Variants in SARS1 observed in about 807,000 individuals in gnomAD.
The protein encoded by SARS1 is seryl-tRNA synthetase 1, also known as serine--tRNA ligase, cytoplasmic.
Under a neutral mutation model 63.7 loss-of-function variants are expected in SARS1, and 25 were observed. The ratio of observed to expected loss-of-function variants is 0.39; its 90% CI spans 0.29 to 0.55. The LOEUF (loss-of-function observed/expected upper bound fraction) is 0.55, where lower values mean the gene tolerates loss of function less well. Among genes scored for constraint, SARS1 ranks in the 20% least tolerant of loss-of-function variants. SARS1 has a pLI of 0.62. For synonymous variants in SARS1, 231 were observed against 243.5 expected (o/e 0.95, Z 0.48); for missense variants, 417 against 649.7 (o/e 0.64, Z 3.89).
chr1:109,224,372 A>G (rs1570756937), intron 2 of SARS1, among the ~76,000 whole-genome samples: 1 of 152,324 alleles, frequency 6.6e-6, no homozygotes, highest in East Asian at 1.9e-4. Flanking sequence ...TTGTCGTCTC[A>G]GCGTAGTTAT....
chr1:109,231,129 C>A, intron 5 of SARS1, 108 bp downstream of exon 5: 1 of 656,124 alleles, frequency 1.5e-6, no homozygotes. Flanking sequence ...TAAAGAGGCC[C>A]ACAGATCTAC....
Position 109,214,414 on chromosome 1 carries a change from C to G in SARS1, c.136+286C>G. ...TCGGGAGCTGTCAAGCCTTCCTGCC[C>G]CAGGGGTTGCCAGAACATGCCGGGG... is the stretch of plus-strand genomic sequence containing the variant. On this transcript the variant is annotated intron_variant, in intron 1 of 10. Transcript: ENST00000234677. The surrounding 1 kb of genome is among the most constrained non-coding windows in gnomAD (Gnocchi z 4.6). 1 of 700,490 alleles carries G rather than the reference C, an allele frequency of 1.4e-6. No homozygotes were observed. Among genetic ancestry groups the G allele is most frequent in the Non-Finnish European group, 2.0e-6 (1 of 509,492 alleles). 43.4% of individuals were successfully genotyped at this position (700,490 alleles called of 1,614,324 possible).
chr1:109,215,536 C>T lies in SARS1; in HGVS notation c.136+1408C>T, dbSNP rs987306672. On this transcript the variant is annotated intron_variant, in intron 1 of 10. Transcript: ENST00000234677. ...CACATTTATACATAAAATCCCAGTA[C>T]CTAGCACTGTACCTGGTCCTTGGTA... 12 of 985,138 alleles carry T rather than the reference C, an allele frequency of 1.2e-5. No individual in the cohort carries two copies. In the African/African-American group the frequency reaches 1.6e-4, roughly 13 times the overall value. The allele number at this position is 985,138 out of a possible 1,614,324, so 61.0% of individuals were successfully genotyped here.
At chr1:109,220,313 T>A (rs1353110667) in intron 1 of SARS1, among the ~76,000 whole-genome samples, 1 of 152,242 alleles carries the variant, frequency 6.6e-6, no homozygotes, top group Non-Finnish European at 1.5e-5. Context: ...CCAAAGTGGT[T>A]GTAATGATTG....
chr1:109,234,007 C>G (rs1042920259), intron 6 of SARS1, among the ~76,000 whole-genome samples: 1 of 150,666 alleles, frequency 6.6e-6, no homozygotes, highest in Non-Finnish European at 1.5e-5. Context: ...GTAGCTGGGA[C>G]TACAGGCATC....
chr1:109,217,008 T>TTCTA, intron 1 of SARS1: 1 of 985,438 alleles, frequency 1.0e-6, no homozygotes, highest in Non-Finnish European at 1.2e-6. Context: ...TGGAATAGCT[T>TTCTA]TCTATCTGCT....
intron 1 of SARS1, among the ~76,000 whole-genome samples, chr1:109,222,368 C>T (rs1654967633): frequency 6.6e-6 from 1 of 151,828 alleles, no homozygotes; most frequent in Non-Finnish European, 1.5e-5. Context: ...CAGATTTTGC[C>T]AGTTTTGCAC....
chr1:109,228,503 G>T, intron 3 of SARS1, 71 bp downstream of exon 3: 1 of 1,034,800 alleles, frequency 9.7e-7, no homozygotes, highest in Admixed American at 1.8e-5. Flanking sequence ...GACAGCAAGT[G>T]CTCTCACTCT....
chr1:109,231,773 A>G lies in SARS1; in HGVS notation c.734A>G (p.Glu245Gly), dbSNP rs764533243. The G allele has an allele frequency of 6.4e-7, 1 of 1,552,700 alleles. No individual in the cohort carries two copies. The highest frequency in any genetic ancestry group is 8.7e-7 in the Non-Finnish European group (1 of 1,153,888). Residue 245 changes from glutamate (E) to glycine (G), a missense_variant, in exon 6 of 11, where the codon GAA becomes GGA. Around this residue, in one of 3 missense-constraint regions of SARS1, gnomAD observed 359 missense variants for 529.6 expected, o/e 0.68. Transcript: ENST00000234677. ...GTGGCACAGCTCAGCCAGTTTGATG[A>G]AGAACTTTATAAGGTGAGTAGCCTG... Reference protein sequence around the residue: ...QEVAQLSQFDEELYKVIGKGS... With the variant: ...QEVAQLSQFDGELYKVIGKGS...
chr1:109,215,674 T>A (rs886778675), intron 1 of SARS1: 1 of 945,080 alleles, frequency 1.1e-6, no homozygotes, highest in African/African-American at 1.8e-5. Flanking sequence ...AAAAACTTAA[T>A]CCTAAATGTG....
intron 5 of SARS1, chr1:109,231,367 G>A: frequency 6.3e-6 from 2 of 316,868 alleles, no homozygotes; most frequent in Non-Finnish European, 1.1e-5. Context: ...CATAAGCTCT[G>A]TGGTTTGTGT....
intron 6 of SARS1, among the ~76,000 whole-genome samples, chr1:109,234,853 C>T (rs936790002): frequency 6.6e-6 from 1 of 152,160 alleles, no homozygotes; most frequent in Non-Finnish European, 1.5e-5. Flanking sequence ...GTAATCCCAG[C>T]TACTCAGGAG....
intron 2 of SARS1, among the ~76,000 whole-genome samples, chr1:109,226,696 A>ATG: frequency 2.5e-5 from 1 of 39,380 alleles, no homozygotes; most frequent in Non-Finnish European, 6.2e-5. Context: ...ATATATATAT[A>ATG]TACACACACA....
At chr1:109,218,419 T>TG (rs1654844760) in intron 1 of SARS1, among the ~76,000 whole-genome samples, 1 of 150,394 alleles carries the variant, frequency 6.6e-6, no homozygotes, top group African/African-American at 2.4e-5. Context: ...TTTTTTTTTT[T>TG]TTTTTGGTAC....
At position 109,230,533 on chromosome 1, in the gene SARS1, G is replaced by A. The variant is rs561567796; in HGVS notation, c.448-345G>A. 3.3e-5 allele frequency among the ~76,000 whole-genome samples: 5 copies of A among 152,286 alleles called. No homozygotes were observed. In the South Asian group the frequency reaches 1.0e-3, roughly 32 times the overall value. On this transcript the variant is annotated intron_variant, in intron 4 of 10. Transcript: ENST00000234677. ...TAAGAAATCATATATCAAGCTTGGC[G>A]CGGTGGCTCACGTCTATAATCCCAG...
Position 109,214,044 on chromosome 1 carries a change from C to T in SARS1, c.52C>T (p.Leu18Phe). ...FRVDKGGDPALIRETQEKRFK... is the reference protein window; with the variant it reads ...FRVDKGGDPAFIRETQEKRFK... ...GGTGGATAAAGGAGGGGACCCAGCC[C>T]TCATCCGAGAGACGCAGGAGAAGCG... The change falls in exon 1 of 11, where the codon CTC (leucine) becomes TTC (phenylalanine). Residue 18 changes from leucine to phenylalanine, a missense_variant. Physicochemically the swap from Leu to Phe is conservative, Grantham distance 22. Around this residue, in one of 3 missense-constraint regions of SARS1, gnomAD observed 359 missense variants for 529.6 expected, o/e 0.68. Coordinates refer to ENST00000234677, the MANE Select transcript of SARS1 (RefSeq NM_006513.4). This position sits in a 1 kb window ranked among gnomAD's most constrained non-coding sequence, Gnocchi z 4.6. The T allele has an allele frequency of 1.2e-6, 2 of 1,614,146 alleles. No homozygotes were observed. Among genetic ancestry groups the T allele is most frequent in the Non-Finnish European group, 8.5e-7 (1 of 1,179,992 alleles).
At chr1:109,216,094 G>T (rs1194179033) in intron 1 of SARS1, 1 of 985,220 alleles carries the variant, frequency 1.0e-6, no homozygotes, top group Non-Finnish European at 1.2e-6. Context: ...TGGAATTTAT[G>T]TTTTTTCCCA....
Position 109,214,732 on chromosome 1 carries a change from T to G in SARS1, c.136+604T>G. ...AGAATTAGAAAAGTCTTTTCCGTGGTAGATCAAACGCGAGGGGAGTGAGGA... is the reference window on the plus strand; with the variant it reads ...AGAATTAGAAAAGTCTTTTCCGTGGGAGATCAAACGCGAGGGGAGTGAGGA... On this transcript the variant is annotated intron_variant, in intron 1 of 10. Transcript: ENST00000234677. This position sits in a 1 kb window ranked among gnomAD's most constrained non-coding sequence, Gnocchi z 4.6. 1.0e-6 allele frequency: 1 copy of G among 985,462 alleles called. No individual in the cohort carries two copies. The highest frequency in any genetic ancestry group is 1.2e-6 in the Non-Finnish European group (1 of 829,952). The allele number at this position is 985,462 out of a possible 1,614,324, so 61.0% of individuals were successfully genotyped here.
At chr1:109,224,075 A>C in intron 2 of SARS1, 27 bp downstream of exon 2, 1 of 1,533,708 alleles carries the variant, frequency 6.5e-7, no homozygotes, top group African/African-American at 1.4e-5. Flanking sequence ...ACAAACAGCC[A>C]TGAGAACTTG....
Sources: allele counts gnomAD v4.1 joint callset (sites outside exome capture counted in the v4.1 genomes callset), GRCh38; gene constraint gnomAD v4.1.1; regional missense constraint gnomAD v4.1.1; non-coding constraint Gnocchi (gnomAD v3.1); transcripts MANE v1.5; gene names NCBI Gene and HGNC (gene_info 2026-07-23, HGNC 2026-07-21).